ZNF385D: variants seen among roughly 807,000 people sequenced by gnomAD.
ZNF385D encodes zinc finger protein 659.
Under a neutral mutation model 35.8 loss-of-function variants are expected in ZNF385D, and 15 were observed. The ratio of observed to expected loss-of-function variants is 0.42; its 90% CI spans 0.28 to 0.64. The LOEUF (loss-of-function observed/expected upper bound fraction) is 0.64, where lower values mean the gene tolerates loss of function less well. ZNF385D is among the 30% of genes least tolerant of loss of function. The pLI, the probability that ZNF385D is intolerant of heterozygous loss-of-function variation, is 0.23. For synonymous variants in ZNF385D, 212 were observed against 186.8 expected, an observed-to-expected ratio of 1.13 and a Z score of -1.10; for missense variants, 474 against 494.6, an observed-to-expected ratio of 0.96 and a Z score of 0.39.
At chr3:22,224,693 G>C (rs1248035218) in intron 2 of ZNF385D, among the ~76,000 whole-genome samples, 2 of 152,294 alleles carry the variant, frequency 1.3e-5, no homozygotes, top group South Asian at 4.1e-4. Context: ...TCCAACCAAA[G>C]TGAACTATTC....
chr3:21,870,222 C>T (rs1455125106), intron 3 of ZNF385D, among the ~76,000 whole-genome samples: 1 of 152,182 alleles, frequency 6.6e-6, no homozygotes, highest in Non-Finnish European at 1.5e-5. Flanking sequence ...ACAAGCATGG[C>T]TTGACTGTTT....
At chr3:21,602,815 G>A (rs2064354252) in intron 2 of ZNF385D, among the ~76,000 whole-genome samples, 1 of 151,366 alleles carries the variant, frequency 6.6e-6, no homozygotes, top group Non-Finnish European at 1.5e-5. Flanking sequence ...TTACAGGCGT[G>A]AGCCACCGCG....
chr3:21,982,389 T>C (rs1010847096), intron 3 of ZNF385D, among the ~76,000 whole-genome samples: 3 of 152,158 alleles, frequency 2.0e-5, no homozygotes, highest in Admixed American at 6.6e-5. Flanking sequence ...GGTTTGGCTG[T>C]TGTTGGTGTC....
chr3:21,580,230 A>C (rs886268269), intron 2 of ZNF385D, among the ~76,000 whole-genome samples: 7 of 152,190 alleles, frequency 4.6e-5, no homozygotes, highest in African/African-American at 1.7e-4. Flanking sequence ...GGACGTGACC[A>C]ATTTTAGCCT....
At chr3:22,184,027 T>G (rs1576460758) in intron 2 of ZNF385D, among the ~76,000 whole-genome samples, 1 of 151,998 alleles carries the variant, frequency 6.6e-6, no homozygotes, top group South Asian at 2.1e-4. Context: ...AAATATCAAC[T>G]CCAATTCTCT....
intron 2 of ZNF385D, among the ~76,000 whole-genome samples, chr3:21,620,778 T>A (rs1256064835): frequency 1.3e-5 from 2 of 152,124 alleles, no homozygotes; most frequent in African/African-American, 4.8e-5. Flanking sequence ...CCCTGAAATG[T>A]CTTCAGTAAG....
chr3:22,049,016 G>A (rs1332836108), intron 3 of ZNF385D, among the ~76,000 whole-genome samples: 1 of 151,968 alleles, frequency 6.6e-6, no homozygotes, highest in Non-Finnish European at 1.5e-5. Flanking sequence ...CTGTTAATTG[G>A]CCGGGCGTAG....
chr3:22,079,470 T>C (rs1700633478), intron 3 of ZNF385D, among the ~76,000 whole-genome samples: 1 of 151,934 alleles, frequency 6.6e-6, no homozygotes, highest in Admixed American at 6.6e-5. Context: ...AAAGTTTAGC[T>C]TGGAAACTGG....
chr3:21,665,606 T>C (rs1455774254), intron 1 of ZNF385D, among the ~76,000 whole-genome samples: 1 of 152,186 alleles, frequency 6.6e-6, no homozygotes, highest in Admixed American at 6.6e-5. Context: ...GTCTGAACTA[T>C]TCAGCACCCC....
chr3:21,977,239 G>A (rs1703685980), intron 3 of ZNF385D, among the ~76,000 whole-genome samples: 1 of 152,116 alleles, frequency 6.6e-6, no homozygotes, highest in Non-Finnish European at 1.5e-5. Flanking sequence ...TAGTCACACA[G>A]ATATGTTTAC....
At chr3:22,091,788 T>A (rs1422083415) in intron 3 of ZNF385D, among the ~76,000 whole-genome samples, 3 of 152,204 alleles carry the variant, frequency 2.0e-5, no homozygotes, top group Non-Finnish European at 2.9e-5. Flanking sequence ...TATATGCATG[T>A]TTTTATTTGT....
chr3:21,806,511 G>A (rs1575683637), intron 3 of ZNF385D, among the ~76,000 whole-genome samples: 1 of 151,942 alleles, frequency 6.6e-6, no homozygotes, highest in Admixed American at 6.6e-5. Flanking sequence ...GGCCAATAGA[G>A]CTCGTTTTAT....
intron 2 of ZNF385D, among the ~76,000 whole-genome samples, chr3:21,659,207 T>C (rs1016907518): frequency 1.4e-4 from 21 of 152,092 alleles, no homozygotes; most frequent in African/African-American, 5.1e-4. Flanking sequence ...TTACCTCTTC[T>C]CCCTCCTCAT....
chr3:22,014,959 T>C (rs1208893552), intron 3 of ZNF385D, among the ~76,000 whole-genome samples: 3 of 152,122 alleles, frequency 2.0e-5, no homozygotes, highest in African/African-American at 7.2e-5. Flanking sequence ...GAGGAGTGAA[T>C]TAGAGGCAGA....
At chr3:22,186,000 C>A (rs181690715) in intron 2 of ZNF385D, among the ~76,000 whole-genome samples, 9 of 152,116 alleles carry the variant, frequency 5.9e-5, no homozygotes, top group African/African-American at 1.9e-4. Context: ...TTTAGTTCAA[C>A]TTTTAATAAT....
At position 21,817,492 on chromosome 3, in the gene ZNF385D, A is replaced by T. The variant is rs1330921357; in HGVS notation, c.326-152464T>A. 2.0e-5 allele frequency among the ~76,000 whole-genome samples: 3 copies of T among 152,202 alleles called. No homozygotes were observed. In the East Asian group the frequency reaches 5.8e-4, roughly 29 times the overall value. On this transcript the variant is annotated intron_variant, in intron 3 of 5. Coordinates refer to the ZNF385D transcript ENST00000494108. ...GAAGTTAAACAAATTTACAAGAAAAAATTGAACAACAAGTGGGTGAAGGAT... is the reference window on the plus strand; with the variant it reads ...GAAGTTAAACAAATTTACAAGAAAATATTGAACAACAAGTGGGTGAAGGAT...
intron 2 of ZNF385D, among the ~76,000 whole-genome samples, chr3:22,314,719 G>T (rs766825492): frequency 6.6e-6 from 1 of 152,194 alleles, no homozygotes. Flanking sequence ...TCCCCATTGA[G>T]AATGCATGCT....
chr3:22,148,344 T>A (rs1704996050), intron 3 of ZNF385D, among the ~76,000 whole-genome samples: 1 of 152,210 alleles, frequency 6.6e-6, no homozygotes, highest in African/African-American at 2.4e-5. Context: ...CATACCACCA[T>A]CTGTAAACAC....
chr3:21,661,837 T>C (rs138912722), intron 2 of ZNF385D, among the ~76,000 whole-genome samples: 5 of 152,288 alleles, frequency 3.3e-5, no homozygotes, highest in African/African-American at 1.2e-4. Context: ...CTCCTAACTA[T>C]GCTTACTTTT....
Sources: gnomAD v4.1 joint callset for allele counts (sites outside exome capture counted in the v4.1 genomes callset) on GRCh38, gnomAD v4.1.1 for gene constraint, MANE v1.5 for transcripts, NCBI Gene and HGNC (gene_info 2026-07-23, HGNC 2026-07-21) for gene names.